ZNF609: variants seen among roughly 807,000 people sequenced by gnomAD.
ZNF609 encodes zinc finger protein 609.
In ZNF609, 11 loss-of-function variants were observed where a neutral mutation model predicts 109.5. The ratio of observed to expected loss-of-function variants is 0.10; its 90% confidence interval spans 0.06 to 0.17. The LOEUF is 0.17. Among genes scored for constraint, ZNF609 ranks in the 10% least tolerant of loss-of-function variants. The pLI is 1.00. For missense variants in ZNF609, 1,559 were observed against 1,772.4 expected (o/e 0.88, Z 2.16); for synonymous variants, 646 against 662.0 (o/e 0.98, Z 0.37).
At chr15:64,607,502 CTT>C (rs200902765) in intron 2 of ZNF609, among the ~76,000 whole-genome samples, 42 of 131,920 alleles carry the variant, frequency 3.2e-4, no homozygotes, top group African/African-American at 5.3e-4. Flanking sequence ...TTAAGGCATA[CTT>C]TTTTTTTTTT....
chr15:64,478,986 A>C (rs1223945681), intron 1 of ZNF609, among the ~76,000 whole-genome samples: 1 of 152,160 alleles, frequency 6.6e-6, no homozygotes, highest in East Asian at 1.9e-4. Flanking sequence ...TTTATTAGTA[A>C]GAGAACTTGA....
chr15:64,630,728 A>G (rs1270737853), intron 3 of ZNF609, among the ~76,000 whole-genome samples: 1 of 151,700 alleles, frequency 6.6e-6, no homozygotes, highest in African/African-American at 2.4e-5. Context: ...TCAGCCTCCC[A>G]AAGTGCTAGG....
intron 2 of ZNF609, among the ~76,000 whole-genome samples, chr15:64,532,426 A>G (rs1164422981): frequency 5.9e-5 from 9 of 152,210 alleles, no homozygotes; most frequent in Non-Finnish European, 1.3e-4. Flanking sequence ...AGCACCTATA[A>G]TAGTACCTGG....
chr15:64,582,837 C>T (rs1307769534), intron 2 of ZNF609, among the ~76,000 whole-genome samples: 81 of 139,458 alleles, frequency 5.8e-4, no homozygotes, highest in Non-Finnish European at 3.4e-4. Flanking sequence ...CTGCAACCTC[C>T]GCCTCCCAGG....
chr15:64,488,107 A>G (rs184908673), intron 1 of ZNF609, among the ~76,000 whole-genome samples: 1 of 152,306 alleles, frequency 6.6e-6, no homozygotes, highest in East Asian at 1.9e-4. Flanking sequence ...ATACGCAGAA[A>G]TGGTTAGGAA....
At chr15:64,589,102 A>T (rs1895252287) in intron 2 of ZNF609, among the ~76,000 whole-genome samples, 1 of 152,158 alleles carries the variant, frequency 6.6e-6, no homozygotes, top group African/African-American at 2.4e-5. Flanking sequence ...AGCTCTTCTG[A>T]TGGAGCCCAG....
At chr15:64,473,188 G>GTTTTTTTTTTTT (rs1893114721) in intron 1 of ZNF609, among the ~76,000 whole-genome samples, 3 of 124,288 alleles carry the variant, frequency 2.4e-5, no homozygotes, top group African/African-American at 1.1e-4. Flanking sequence ...CTCATATTTG[G>GTTTTTTTTTTTT]TTCTTTTTTT....
intron 2 of ZNF609, among the ~76,000 whole-genome samples, chr15:64,589,096 C>CT (rs1895252227): frequency 6.6e-6 from 1 of 152,172 alleles, no homozygotes; most frequent in Admixed American, 6.5e-5. Flanking sequence ...CATTTTAGCT[C>CT]TTCTGATGGA....
intron 2 of ZNF609, among the ~76,000 whole-genome samples, chr15:64,538,120 A>G (rs1202147704): frequency 6.6e-6 from 1 of 151,808 alleles, no homozygotes; most frequent in African/African-American, 2.4e-5. Flanking sequence ...AAAAAAAAAG[A>G]AAGAAAGAAA....
chr15:64,552,838 G>A (rs2140394614), intron 2 of ZNF609, among the ~76,000 whole-genome samples: 1 of 152,134 alleles, frequency 6.6e-6, no homozygotes, highest in African/African-American at 2.4e-5. Context: ...GTAGAGATGG[G>A]GTTTCACTAT....
chr15:64,516,638 A>G (rs1893815616), intron 2 of ZNF609, among the ~76,000 whole-genome samples: 1 of 152,228 alleles, frequency 6.6e-6, no homozygotes, highest in Admixed American at 6.5e-5. Context: ...TCAATCCTCC[A>G]AAGTGTTGGA....
chr15:64,650,614 C>T (rs1896402959), intron 3 of ZNF609, among the ~76,000 whole-genome samples: 1 of 152,082 alleles, frequency 6.6e-6, no homozygotes, highest in African/African-American at 2.4e-5. Flanking sequence ...TTTAGCAGGG[C>T]AGCCAGTGAA....
intron 2 of ZNF609, among the ~76,000 whole-genome samples, chr15:64,530,296 C>T (rs1202119060): frequency 2.0e-5 from 3 of 152,188 alleles, no homozygotes; most frequent in African/African-American, 4.8e-5. Flanking sequence ...AGGCATGAGC[C>T]ACCGTGCTGG....
chr15:64,549,447 A>G (rs1456256183), intron 2 of ZNF609, among the ~76,000 whole-genome samples: 1 of 152,210 alleles, frequency 6.6e-6, no homozygotes, highest in Non-Finnish European at 1.5e-5. Context: ...AAGTGCTGGG[A>G]TTACAGGCAT....
At chr15:64,680,602 TGTGTCTCACTATA>T in intron 7 of ZNF609, 31 bp from the exon 8 acceptor site, 1 of 1,489,176 alleles carries the variant, frequency 6.7e-7, no homozygotes, top group Admixed American at 1.9e-5. Flanking sequence ...TGTATGCATA[TGTGTCTCACTATA>T]GTGCTTTTGT....
chr15:64,465,185 T>A (rs763136513), intron 1 of ZNF609, among the ~76,000 whole-genome samples: 1 of 152,188 alleles, frequency 6.6e-6, no homozygotes, highest in Non-Finnish European at 1.5e-5. Context: ...TTGCTTTCAG[T>A]ATGGTGAAAA....
At chr15:64,575,195 C>T (rs957585372) in intron 2 of ZNF609, among the ~76,000 whole-genome samples, 5 of 152,070 alleles carry the variant, frequency 3.3e-5, no homozygotes, top group African/African-American at 9.7e-5. Context: ...ATGGCTGAGG[C>T]GGGTGGATTA....
rs143716337 is a variant in ZNF609 at position 64,621,882 on chromosome 15, C to T, written c.748-945C>T. On this transcript the variant is annotated intron_variant, in intron 2 of 9. Coordinates refer to ENST00000326648, the MANE Select transcript of ZNF609 (RefSeq NM_015042.2). ...CTGGGATTACAGGCGCCCACCACTA[C>T]GCCCGGCTAATTTTTGTATTTTTAG... is the stretch of plus-strand genomic sequence containing the variant. Among the ~76,000 whole-genome samples, 1,010 of 151,920 alleles carry T rather than the reference C, an allele frequency of 6.6e-3. 10 individuals carry two copies. The highest frequency in any genetic ancestry group is 0.011 in the Non-Finnish European group (731 of 67,962).
chr15:64,660,794 G>C (rs1382767583), intron 3 of ZNF609, among the ~76,000 whole-genome samples: 5 of 152,132 alleles, frequency 3.3e-5, no homozygotes, highest in Non-Finnish European at 7.3e-5. Flanking sequence ...AATTTCCACA[G>C]AGCTCGCTGT....
Sources: gnomAD v4.1 joint callset for allele counts (sites outside exome capture counted in the v4.1 genomes callset) on GRCh38, gnomAD v4.1.1 for gene constraint, MANE v1.5 for transcripts, NCBI Gene and HGNC (gene_info 2026-07-23, HGNC 2026-07-21) for gene names.